The following MED17 variants were observed in gnomAD, a reference collection of about 807,000 sequenced individuals.
The protein encoded by MED17 is mediator of RNA polymerase II transcription subunit 17.
In MED17, 49 loss-of-function variants were observed where a neutral mutation model predicts 80.8. The ratio of observed to expected loss-of-function variants is 0.61; its 90% CI spans 0.48 to 0.77. The LOEUF is 0.77. MED17 is among the 30% of genes least tolerant of loss of function. MED17 has a pLI of 0.00. For missense variants in MED17, 718 were observed against 787.0 expected (o/e 0.91, Z 1.05); for synonymous variants, 281 against 280.4 (o/e 1.00, Z -0.02).
At chr11:93,797,248 A>G (rs915285910) in intron 7 of MED17, 22 of 360,788 alleles carry the variant, frequency 6.1e-5, no homozygotes, top group Non-Finnish European at 1.1e-4. Flanking sequence ...TTGGGCTTTC[A>G]TGCTTATGCA....
At chr11:93,807,912 T>A (rs1337017538) in intron 10 of MED17, 1 of 446,006 alleles carries the variant, frequency 2.2e-6, no homozygotes, top group Non-Finnish European at 4.1e-6. Context: ...GTCATATTTG[T>A]GAAGGTTTAC....
intron 11 of MED17, chr11:93,811,256 A>G (rs1944083031): frequency 6.6e-6 from 1 of 152,400 alleles, no homozygotes; most frequent in Non-Finnish European, 1.5e-5. Context: ...TTCTTAATTC[A>G]GAATAATCTT....
intron 1 of MED17, among the ~76,000 whole-genome samples, chr11:93,786,473 GT>G (rs11407248): frequency 1.1e-4 from 16 of 146,852 alleles, no homozygotes; most frequent in Admixed American, 2.7e-4. Flanking sequence ...GGTTTGTTTT[GT>G]TTTTTTTTTT....
chr11:93,812,220 C>A lies in MED17; in HGVS notation c.*156C>A, dbSNP rs919049918. The A allele has an allele frequency of 1.0e-4, 71 of 695,008 alleles. No homozygotes were observed. The highest frequency in any genetic ancestry group is 1.5e-4 in the Non-Finnish European group (59 of 405,312). 43.1% of individuals were successfully genotyped at this position (695,008 alleles called of 1,614,324 possible). On this transcript the variant is annotated 3_prime_UTR_variant, in exon 12 of 12. Transcript: ENST00000251871. ...TTATTTAGCACTTTCAAACTTTTCA[C>A]TTTATAAATGACAAGTGCTTTGAAA... is the stretch of plus-strand genomic sequence containing the variant.
Position 93,812,494 on chromosome 11 carries a change from A to G in MED17, c.*430A>G, listed in dbSNP as rs1944094247. Reference sequence around the variant, plus strand: ...CACTCTGTAGCCCAGTCTGGAGTGCAGTGGTGTGATCATGGTTCACTGCAG... The same window carrying G: ...CACTCTGTAGCCCAGTCTGGAGTGCGGTGGTGTGATCATGGTTCACTGCAG... On this transcript the variant is annotated 3_prime_UTR_variant, in exon 12 of 12. Coordinates refer to ENST00000251871, the MANE Select transcript of MED17 (RefSeq NM_004268.5). 3.5e-6 allele frequency: 1 copy of G among 286,194 alleles called. No individual in the cohort carries two copies. The highest frequency in any genetic ancestry group is 4.9e-5 in the Admixed American group (1 of 20,494). The allele number at this position is 286,194 out of a possible 1,614,324, so 17.7% of individuals were successfully genotyped here. A position where few individuals can be genotyped will look rare whatever the true frequency, so the allele number is the denominator to read the frequency against.
intron 8 of MED17, chr11:93,801,577 A>C (rs1417610576): frequency 1.3e-5 from 6 of 449,950 alleles, no homozygotes; most frequent in African/African-American, 1.2e-4. Flanking sequence ...AGTTAAAGGG[A>C]ATAAACCCAT....
chr11:93,784,305 G>C lies in MED17; in HGVS notation c.-209G>C. 4.6e-6 allele frequency: 3 copies of C among 652,314 alleles called. No individual in the cohort carries two copies. The highest frequency in any genetic ancestry group is 2.5e-6 in the Non-Finnish European group (1 of 396,286). The allele number at this position is 652,314 out of a possible 1,614,324, so 40.4% of individuals were successfully genotyped here. On this transcript the variant is annotated 5_prime_UTR_variant, in exon 1 of 12. Coordinates refer to ENST00000251871, the MANE Select transcript of MED17 (RefSeq NM_004268.5). ...CCAGTTTTGCTCCGAAAGACTTACC[G>C]AGGAGGGAGCTTGCGGTGCGTTCTG...
chr11:93,784,801 G>A, intron 1 of MED17, 38 bp downstream of exon 1: 1 of 1,533,236 alleles, frequency 6.5e-7, no homozygotes, highest in Admixed American at 2.0e-5. Flanking sequence ...CCCCGGTCTG[G>A]GTCCCAGCAC....
In MED17 at chr11:93,784,606, G is replaced by GC. The variant is rs745733410; in HGVS notation, c.98dup (p.Leu34AlafsTer81). ...GCCTGGATGGCACCGAGACGTACCT[G>GC]CCCCCGCTGTCCATGTCGCAGAATC... On this transcript the variant is annotated frameshift_variant, in exon 1 of 12. Transcript: ENST00000251871. LOFTEE classifies it high-confidence loss of function. 46 of 1,602,746 alleles carry GC rather than the reference G, an allele frequency of 2.9e-5. No homozygotes were observed. Among genetic ancestry groups the GC allele is most frequent in the Non-Finnish European group, 3.8e-5 (45 of 1,175,988 alleles).
chr11:93,807,447 C>G, intron 9 of MED17, 71 bp from the exon 10 acceptor site: 1 of 882,564 alleles, frequency 1.1e-6, no homozygotes, highest in Non-Finnish European at 1.9e-6. Flanking sequence ...TTGATGTTAA[C>G]GTTTATTATT....
intron 9 of MED17, among the ~76,000 whole-genome samples, chr11:93,803,034 G>A (rs562889090): frequency 2.6e-4 from 40 of 152,170 alleles, no homozygotes; most frequent in African/African-American, 9.4e-4. Flanking sequence ...TTGAGATGGC[G>A]TCTCACAATG....
chr11:93,797,200 A>G (rs552480704), intron 7 of MED17: 15 of 274,840 alleles, frequency 5.5e-5, no homozygotes, highest in South Asian at 1.4e-4. Context: ...TAAAATAAAA[A>G]TTAAAGCTTG....
intron 1 of MED17, among the ~76,000 whole-genome samples, chr11:93,785,202 A>G (rs1943756632): frequency 6.6e-6 from 1 of 152,226 alleles, no homozygotes; most frequent in Non-Finnish European, 1.5e-5. Flanking sequence ...ATGTGTGACG[A>G]GGTCCAAGAG....
rs761188264 is a variant in MED17 at position 93,784,482 on chromosome 11, G to T, written c.-32G>T. 125 of 1,579,570 alleles carry T rather than the reference G, an allele frequency of 7.9e-5. No homozygotes were observed. Among genetic ancestry groups the T allele is most frequent in the South Asian group, 1.5e-4 (13 of 89,552 alleles). ...CGTACCTCGTTTTTTGGCTCGTGGG[G>T]GGTCCTCCCACCGCTGGCCGACGCA... On this transcript the variant is annotated 5_prime_UTR_variant, in exon 1 of 12. Transcript: ENST00000251871.
chr11:93,786,242 C>G (rs1943768202), intron 1 of MED17, among the ~76,000 whole-genome samples: 1 of 152,054 alleles, frequency 6.6e-6, no homozygotes, highest in Non-Finnish European at 1.5e-5. Context: ...TCTGAAGGCT[C>G]ATAGAGGAGA....
intron 9 of MED17, among the ~76,000 whole-genome samples, chr11:93,803,350 T>C (rs1261996007): frequency 6.6e-6 from 1 of 152,170 alleles, no homozygotes; most frequent in East Asian, 1.9e-4. Context: ...AATGAAAACA[T>C]AGTAGATAAG....
At chr11:93,804,807 CAT>C (rs1944006990) in intron 9 of MED17, among the ~76,000 whole-genome samples, 1 of 152,184 alleles carries the variant, frequency 6.6e-6, no homozygotes, top group South Asian at 2.1e-4. Context: ...AGAAACTCTA[CAT>C]ATTAGCAGTC....
At chr11:93,798,103 A>G (rs1943923823) in intron 8 of MED17, among the ~76,000 whole-genome samples, 1 of 152,158 alleles carries the variant, frequency 6.6e-6, no homozygotes, top group African/African-American at 2.4e-5. Flanking sequence ...CACTTTCCTT[A>G]TGTTAACTTA....
chr11:93,808,591 T>TGA (rs1555034851), intron 10 of MED17: 1 of 142,778 alleles, frequency 7.0e-6, no homozygotes, highest in Non-Finnish European at 1.5e-5. Flanking sequence ...TTTTTCACAT[T>TGA]AAAAAAAATA....
Sources: allele counts gnomAD v4.1 joint callset (sites outside exome capture counted in the v4.1 genomes callset), GRCh38; gene constraint gnomAD v4.1.1; transcripts MANE v1.5; gene names NCBI Gene and HGNC (gene_info 2026-07-23, HGNC 2026-07-21).